Variants in TMEM209 observed in about 807,000 individuals in gnomAD.
TMEM209 encodes the protein transmembrane protein 209.
Under a neutral mutation model 76.2 loss-of-function variants are expected in TMEM209, and 65 were observed. That is an observed-to-expected ratio of 0.85 (90% CI 0.70 to 1.05). The LOEUF is 1.05. TMEM209 is among the 50% of genes least tolerant of loss of function. The probability of loss-of-function intolerance (pLI) is 0.00; values close to 1 mark genes in which losing one functional copy is unlikely to be tolerated. For missense variants in TMEM209, 623 were observed against 685.5 expected (o/e 0.91, Z 1.02); for synonymous variants, 239 against 237.6 (o/e 1.01, Z -0.06).
intron 5 of TMEM209, among the ~76,000 whole-genome samples, chr7:130,195,513 A>C (rs187737964): frequency 6.6e-6 from 1 of 152,170 alleles, no homozygotes; most frequent in East Asian, 1.9e-4. Flanking sequence ...TGTTTTTAGG[A>C]AACAGCTTTT....
At chr7:130,175,666 A>G in intron 10 of TMEM209, 57 bp from the exon 11 acceptor site, 2 of 1,382,238 alleles carry the variant, frequency 1.4e-6, no homozygotes, top group Admixed American at 2.3e-5. Context: ...AGAAAAGAAA[A>G]AAAAAGCTAA....
At chr7:130,200,943 G>A (rs1179644709) in intron 5 of TMEM209, among the ~76,000 whole-genome samples, 2 of 151,952 alleles carry the variant, frequency 1.3e-5, no homozygotes, top group Non-Finnish European at 2.9e-5. Context: ...CAAAAAATTA[G>A]CCGGGCACGG....
At chr7:130,205,160 C>G (rs1798400454) in intron 1 of TMEM209, 2 of 1,466,192 alleles carry the variant, frequency 1.4e-6, no homozygotes, top group Non-Finnish European at 9.0e-7. Context: ...ACTCAGCCCC[C>G]GCGTCCCAAT....
chr7:130,166,338 TA>T lies in TMEM209; in HGVS notation c.*112del, dbSNP rs1796881979. 1 of 749,162 alleles carries T rather than the reference TA, an allele frequency of 1.3e-6. No individual in the cohort carries two copies. The highest frequency in any genetic ancestry group is 2.0e-6 in the Non-Finnish European group (1 of 489,034). 46.4% of individuals were successfully genotyped at this position (749,162 alleles called of 1,614,324 possible). On this transcript the variant is annotated 3_prime_UTR_variant, in exon 15 of 15. Transcript: ENST00000397622. ...TTTTCTGTTAAATCTAAAGAGTCTGTAACATACACCCATGTGTATTTTATTT... is the reference window on the plus strand; with the variant it reads ...TTTTCTGTTAAATCTAAAGAGTCTGTACATACACCCATGTGTATTTTATTT...
At chr7:130,205,030 C>T (rs1798390762) in intron 1 of TMEM209, 6 of 1,262,228 alleles carry the variant, frequency 4.8e-6, no homozygotes, top group East Asian at 3.5e-5. Context: ...TTTTGGTCCA[C>T]ATTTGGGATT....
At chr7:130,179,346 A>G (rs1184402014) in intron 9 of TMEM209, among the ~76,000 whole-genome samples, 1 of 152,166 alleles carries the variant, frequency 6.6e-6, no homozygotes, top group Non-Finnish European at 1.5e-5. Context: ...CCCCTTCCCC[A>G]GAGAAGCAGC....
At chr7:130,195,376 A>G (rs1432215694) in intron 5 of TMEM209, among the ~76,000 whole-genome samples, 1 of 152,090 alleles carries the variant, frequency 6.6e-6, no homozygotes, top group Non-Finnish European at 1.5e-5. Flanking sequence ...TCAATTATGA[A>G]AGGAATTTTG....
chr7:130,173,827 G>T lies in TMEM209; in HGVS notation c.1457C>A (p.Pro486Gln). 3.1e-6 allele frequency: 5 copies of T among 1,612,906 alleles called. No homozygotes were observed. Among genetic ancestry groups the T allele is most frequent in the Middle Eastern group, 3.3e-4 (2 of 6,056 alleles). The change falls in exon 12 of 15, where the codon CCA (proline) becomes CAA (glutamine). Residue 486 changes from proline (P) to glutamine (Q), a missense_variant and splice_region_variant. By Grantham distance (76) the Pro-to-Gln change is moderately conservative. Transcript: ENST00000397622. ...SQHFVQTPNK[P>Q]DVTNENVFCI... Reference sequence around the variant, plus strand: ...ATTCTTTTAGGAGAGGTTTATACCTGGTTTATTTGGTGTCTGAACAAAGTG... The same window carrying T: ...ATTCTTTTAGGAGAGGTTTATACCTTGTTTATTTGGTGTCTGAACAAAGTG...
At chr7:130,187,464 G>T (rs927142635) in intron 6 of TMEM209, among the ~76,000 whole-genome samples, 1 of 151,876 alleles carries the variant, frequency 6.6e-6, no homozygotes, top group Non-Finnish European at 1.5e-5. Context: ...AGTGGGAAAC[G>T]GAGATAAGGA....
chr7:130,179,648 G>C (rs1324647818), intron 9 of TMEM209, among the ~76,000 whole-genome samples: 1 of 152,154 alleles, frequency 6.6e-6, no homozygotes, highest in Non-Finnish European at 1.5e-5. Flanking sequence ...GTACAAACTG[G>C]TAAAAGCTTT....
chr7:130,175,503 G>A lies in TMEM209; in HGVS notation c.1344+9C>T, dbSNP rs754268799. On this transcript the variant is annotated intron_variant, in intron 11 of 14. Coordinates refer to ENST00000397622, the MANE Select transcript of TMEM209 (RefSeq NM_032842.4). ...ATAAATAAATGAATGAAAGAATCTA[G>A]GGGCTTACAGCAGAATCGGTGGGCA... The A allele has an allele frequency of 1.9e-5, 30 of 1,608,360 alleles. No homozygotes were observed. In the African/African-American group the frequency reaches 2.5e-4, roughly 14 times the overall value.
intron 8 of TMEM209, among the ~76,000 whole-genome samples, chr7:130,183,270 A>G (rs902302097): frequency 6.6e-6 from 1 of 152,130 alleles, no homozygotes; most frequent in Non-Finnish European, 1.5e-5. Context: ...AAATGGTACA[A>G]AAGAGTACAG....
chr7:130,170,611 A>G, intron 13 of TMEM209, 138 bp from the exon 14 acceptor site: 1 of 694,916 alleles, frequency 1.4e-6, no homozygotes, highest in East Asian at 2.8e-5. Context: ...TTTATTAAAC[A>G]AAGTACCTAC....
chr7:130,201,662 T>G, intron 5 of TMEM209, 188 bp downstream of exon 5: 2 of 721,922 alleles, frequency 2.8e-6, no homozygotes, highest in Non-Finnish European at 4.4e-6. Flanking sequence ...CTGTAAATGC[T>G]AATTTTTTCT....
chr7:130,178,660 C>T, intron 9 of TMEM209, 133 bp from the exon 10 acceptor site: 1 of 980,280 alleles, frequency 1.0e-6, no homozygotes, highest in Non-Finnish European at 1.5e-6. Flanking sequence ...TCAATGACGT[C>T]TCCCCTGACG....
At chr7:130,171,231 A>G (rs1235647619) in intron 13 of TMEM209, among the ~76,000 whole-genome samples, 2 of 152,230 alleles carry the variant, frequency 1.3e-5, no homozygotes, top group Non-Finnish European at 2.9e-5. Context: ...ACTTTAAAAT[A>G]TATCAGAATA....
intron 1 of TMEM209, 33 bp from the exon 2 acceptor site, chr7:130,204,143 A>G: frequency 6.3e-7 from 1 of 1,581,098 alleles, no homozygotes; most frequent in Non-Finnish European, 8.6e-7. Flanking sequence ...GGAATTAACC[A>G]GAAGAAACTA....
intron 14 of TMEM209, among the ~76,000 whole-genome samples, chr7:130,167,053 G>T (rs1029585965): frequency 2.0e-5 from 3 of 152,082 alleles, no homozygotes; most frequent in Non-Finnish European, 4.4e-5. Context: ...ATAAGAGAAA[G>T]AAATTACTCA....
intron 5 of TMEM209, among the ~76,000 whole-genome samples, chr7:130,195,612 A>T (rs1231194548): frequency 2.1e-5 from 3 of 144,342 alleles, no homozygotes; most frequent in Non-Finnish European, 4.6e-5. Flanking sequence ...GTCATCAATT[A>T]TTCCTTAAAA....
Sources: allele counts gnomAD v4.1 joint callset (sites outside exome capture counted in the v4.1 genomes callset), GRCh38; gene constraint gnomAD v4.1.1; transcripts MANE v1.5; gene names NCBI Gene and HGNC (gene_info 2026-07-23, HGNC 2026-07-21).